GLIS3: variants seen among roughly 807,000 people sequenced by gnomAD.
GLIS3 encodes the protein GLIS family zinc finger 3.
In GLIS3, 53 loss-of-function variants were observed where a neutral mutation model predicts 78.6. The ratio of observed to expected loss-of-function variants is 0.67; its 90% confidence interval spans 0.54 to 0.85. The LOEUF (loss-of-function observed/expected upper bound fraction) is 0.85. GLIS3 is among the 40% of genes least tolerant of loss of function. GLIS3 has a pLI of 0.00. For synonymous variants in GLIS3, 684 were observed against 509.9 expected (o/e 1.34, Z -4.60); for missense variants, 1,703 against 1,231.1 (o/e 1.38, Z -5.74).
At chr9:4,245,980 C>A (rs1177165664) in intron 2 of GLIS3, among the ~76,000 whole-genome samples, 1 of 152,034 alleles carries the variant, frequency 6.6e-6, no homozygotes. Context: ...AAAAGTAATT[C>A]TCGGCTGTGT....
chr9:3,877,112 T>C (rs1326136650), intron 8 of GLIS3, among the ~76,000 whole-genome samples: 1 of 152,084 alleles, frequency 6.6e-6, no homozygotes, highest in East Asian at 1.9e-4. Flanking sequence ...TGAAGGGAGG[T>C]TCCGATTGAT....
In GLIS3 at chr9:3,825,863, A is replaced by C. The variant is rs1263487885; in HGVS notation, c.*2409T>G. On this transcript the variant is annotated 3_prime_UTR_variant, in exon 11 of 11. Transcript: ENST00000381971. The stretch of plus-strand genomic sequence containing the variant: ...TGGCCAGCATGCTCTCTCTGAGATA[A>C]AATGTCCCTCTGGGGCTCCACATTG... The C allele has an allele frequency of 6.6e-6, 1 of 152,240 alleles. No homozygotes were observed. The highest frequency in any genetic ancestry group is 1.5e-5 in the Non-Finnish European group (1 of 68,100). The allele number at this position is 152,240 out of a possible 1,614,324, so 9.4% of individuals were successfully genotyped here. A position where few individuals can be genotyped will look rare whatever the true frequency, so the allele number is the denominator to read the frequency against.
intron 2 of GLIS3, among the ~76,000 whole-genome samples, chr9:4,247,041 T>C (rs1341881468): frequency 6.6e-6 from 1 of 152,214 alleles, no homozygotes. Context: ...ACTGAGTTTT[T>C]AAACCACTCT....
At chr9:4,380,265 A>G in the GLIS3 span, among the ~76,000 whole-genome samples, 1 of 152,206 alleles carries the variant, frequency 6.6e-6, no homozygotes, top group African/African-American at 2.4e-5. Context: ...TCTTTTTTAA[A>G]TAACTCTCTG....
At chr9:3,926,239 T>TC (rs1285788411) in intron 6 of GLIS3, among the ~76,000 whole-genome samples, 1 of 149,558 alleles carries the variant, frequency 6.7e-6, no homozygotes, top group Non-Finnish European at 1.5e-5. Context: ...TTTTGTTTTT[T>TC]TTTTTTTCTT....
intron 2 of GLIS3, among the ~76,000 whole-genome samples, chr9:4,336,792 T>G (rs1480935530): frequency 2.6e-5 from 4 of 152,184 alleles, no homozygotes; most frequent in Non-Finnish European, 4.4e-5. Context: ...GTTTTTATGA[T>G]AGTAGAGAGA....
chr9:4,003,926 T>C (rs768902754), intron 4 of GLIS3, among the ~76,000 whole-genome samples: 1 of 152,216 alleles, frequency 6.6e-6, no homozygotes, highest in African/African-American at 2.4e-5. Flanking sequence ...GCAGAGATCT[T>C]AAAAGGGCTT....
intron 4 of GLIS3, among the ~76,000 whole-genome samples, chr9:3,996,759 G>T (rs1331473750): frequency 2.6e-5 from 4 of 151,642 alleles, no homozygotes; most frequent in Non-Finnish European, 5.9e-5. Flanking sequence ...TTTTTTAGAA[G>T]AATAATAAAG....
chr9:4,059,544 C>A (rs1423212474), intron 4 of GLIS3, among the ~76,000 whole-genome samples: 4 of 152,182 alleles, frequency 2.6e-5, no homozygotes, highest in Admixed American at 2.0e-4. Flanking sequence ...CTAGCCTATT[C>A]TTGGCCTTCT....
chr9:4,189,166 G>T (rs530549235), intron 2 of GLIS3, among the ~76,000 whole-genome samples: 2 of 151,384 alleles, frequency 1.3e-5, no homozygotes, highest in African/African-American at 4.8e-5. Context: ...ACACTGCTTT[G>T]AATGTGTCCC....
intron 2 of GLIS3, among the ~76,000 whole-genome samples, chr9:4,166,978 A>G (rs1204100925): frequency 2.0e-5 from 3 of 152,238 alleles, no homozygotes; most frequent in African/African-American, 7.2e-5. Flanking sequence ...AACAACTCCA[A>G]AAATCTCTTT....
At chr9:4,265,316 G>T (rs1210114956) in intron 2 of GLIS3, among the ~76,000 whole-genome samples, 2 of 151,858 alleles carry the variant, frequency 1.3e-5, no homozygotes, top group Admixed American at 6.6e-5. Flanking sequence ...CATGTACCAG[G>T]CATTATACTA....
the GLIS3 span, among the ~76,000 whole-genome samples, chr9:4,422,598 A>C: frequency 6.6e-6 from 1 of 152,222 alleles, no homozygotes; most frequent in South Asian, 2.1e-4. Context: ...GCTAGGTCCT[A>C]TATGAGCACT....
Position 4,197,597 on chromosome 9 carries a change from G to A in GLIS3, c.389-71656C>T, listed in dbSNP as rs1048498819. Reference sequence around the variant, plus strand: ...CTTGGTGCTGGTGCTCGTGCCTGCTGCTGGGGAAGTGTAGGCAAACCTGCC... The same window carrying A: ...CTTGGTGCTGGTGCTCGTGCCTGCTACTGGGGAAGTGTAGGCAAACCTGCC... On this transcript the variant is annotated intron_variant, in intron 2 of 10. Transcript: ENST00000381971. Among the ~76,000 whole-genome samples, 6 of 152,316 alleles carry A rather than the reference G, an allele frequency of 3.9e-5. No homozygotes were observed. In the East Asian group the frequency reaches 9.7e-4, roughly 25 times the overall value.
At chr9:4,071,953 T>C (rs915907386) in intron 4 of GLIS3, 3 of 152,202 alleles carry the variant, frequency 2.0e-5, no homozygotes, top group Non-Finnish European at 4.4e-5. Flanking sequence ...AGGCAACAGG[T>C]AACACTGACC....
the GLIS3 span, among the ~76,000 whole-genome samples, chr9:4,442,807 T>A: frequency 6.6e-6 from 1 of 152,198 alleles, no homozygotes; most frequent in Non-Finnish European, 1.5e-5. Flanking sequence ...GATTTTGTTT[T>A]CATTTTTTTT....
At chr9:4,302,457 T>C (rs1817114295), upstream of GLIS3, among the ~76,000 whole-genome samples, 1 of 152,208 alleles carries the variant, frequency 6.6e-6, no homozygotes, top group African/African-American at 2.4e-5. Context: ...CTAAAGGAAT[T>C]AACACTTGTA....
At chr9:4,025,781 T>A (rs75321933) in intron 4 of GLIS3, among the ~76,000 whole-genome samples, 9 of 152,150 alleles carry the variant, frequency 5.9e-5, no homozygotes, top group African/African-American at 1.9e-4. Flanking sequence ...GAGGTCTTAT[T>A]ATCAACTCAA....
At chr9:3,925,678 G>C (rs1825172885) in intron 6 of GLIS3, among the ~76,000 whole-genome samples, 2 of 152,132 alleles carry the variant, frequency 1.3e-5, no homozygotes, top group South Asian at 4.1e-4. Flanking sequence ...GTTGGGGTAG[G>C]ATCCAGCCAC....
Sources: allele counts gnomAD v4.1 joint callset (sites outside exome capture counted in the v4.1 genomes callset), GRCh38; gene constraint gnomAD v4.1.1; transcripts MANE v1.5; gene names NCBI Gene and HGNC (gene_info 2026-07-23, HGNC 2026-07-21).